Variants in NFIC observed in about 807,000 individuals in gnomAD.
NFIC encodes the protein nuclear factor 1 C-type.
Under a neutral mutation model 54.4 loss-of-function variants are expected in NFIC, and 12 were observed. The ratio of observed to expected loss-of-function variants is 0.22; its 90% CI spans 0.14 to 0.36. NFIC has a LOEUF of 0.36. Ranked by LOEUF, NFIC falls within the 10% of genes least tolerant of loss-of-function variation. NFIC has a pLI of 1.00. For synonymous variants in NFIC, 322 were observed against 319.2 expected (o/e 1.01, Z -0.09); for missense variants, 575 against 718.2 (o/e 0.80, Z 2.28).
intron 2 of NFIC, among the ~76,000 whole-genome samples, chr19:3,417,413 G>A (rs931228516): frequency 3.9e-5 from 6 of 152,108 alleles, no homozygotes; most frequent in Non-Finnish European, 7.4e-5. Flanking sequence ...AATCAGATGG[G>A]GTCAGGAAGT....
chr19:3,397,999 CA>C (rs769818219), intron 2 of NFIC, among the ~76,000 whole-genome samples: 12 of 152,046 alleles, frequency 7.9e-5, no homozygotes, highest in East Asian at 5.8e-4. Context: ...CCATCTAGAT[CA>C]GGGGGCTCCT....
intron 2 of NFIC, among the ~76,000 whole-genome samples, chr19:3,401,418 A>G (rs1376713159): frequency 6.6e-6 from 1 of 152,170 alleles, no homozygotes; most frequent in Non-Finnish European, 1.5e-5. Flanking sequence ...AGGGGGCAGA[A>G]TCCAGGTCAA....
At chr19:3,435,724 G>A (rs1385879834) in intron 6 of NFIC, among the ~76,000 whole-genome samples, 4 of 151,980 alleles carry the variant, frequency 2.6e-5, no homozygotes. Context: ...TCTCCTTTCT[G>A]TAGGGTCTCC....
intron 6 of NFIC, among the ~76,000 whole-genome samples, chr19:3,442,503 C>A (rs1026162902): frequency 1.3e-5 from 2 of 151,974 alleles, no homozygotes; most frequent in African/African-American, 4.8e-5. Flanking sequence ...GCTTCAGCCT[C>A]GCAAATAGCT....
In NFIC at chr19:3,453,984, C is replaced by G. The variant is rs2082511643; in HGVS notation, c.1423+68C>G. The G allele has an allele frequency of 2.1e-6, 3 of 1,429,698 alleles. No individual in the cohort carries two copies. The highest frequency in any genetic ancestry group is 6.1e-5 in the Admixed American group (2 of 32,846). The allele number at this position is 1,429,698 out of a possible 1,614,324, so 88.6% of individuals were successfully genotyped here. On this transcript the variant is annotated intron_variant, in intron 9 of 10. Coordinates refer to ENST00000443272, the MANE Select transcript of NFIC (RefSeq NM_001245002.2). This position sits in a 1 kb window ranked among gnomAD's most constrained non-coding sequence, Gnocchi z 6.7. Reference sequence around the variant, plus strand: ...CAGGGGGGCCTGTCCCCTCCCCAGCCCCACTGCCAGGTCAGAGGTCAGGCC... The same window carrying G: ...CAGGGGGGCCTGTCCCCTCCCCAGCGCCACTGCCAGGTCAGAGGTCAGGCC...
intron 3 of NFIC, among the ~76,000 whole-genome samples, chr19:3,425,733 T>G (rs894524412): frequency 4.6e-5 from 7 of 151,670 alleles, no homozygotes; most frequent in Non-Finnish European, 1.0e-4. Flanking sequence ...GTGCTGGGAT[T>G]ACAGGCATGA....
intron 2 of NFIC, among the ~76,000 whole-genome samples, chr19:3,385,570 G>GTT (rs1393908554): frequency 7.4e-6 from 1 of 135,606 alleles, no homozygotes; most frequent in East Asian, 2.2e-4. Flanking sequence ...TTTGGTTGTT[G>GTT]TTGTTTTTTT....
Position 3,453,688 on chromosome 19 carries a change from G to T in NFIC, c.1270-75G>T, listed in dbSNP as rs1481589385. The T allele has an allele frequency of 2.6e-6, 4 of 1,509,760 alleles. No individual in the cohort carries two copies. The highest frequency in any genetic ancestry group is 3.5e-6 in the Non-Finnish European group (4 of 1,134,596). The allele number at this position is 1,509,760 out of a possible 1,614,324, so 93.5% of individuals were successfully genotyped here. On this transcript the variant is annotated intron_variant, in intron 8 of 10. Coordinates refer to ENST00000443272, the MANE Select transcript of NFIC (RefSeq NM_001245002.2). The surrounding 1 kb of genome is among the most constrained non-coding windows in gnomAD (Gnocchi z 6.7). ...CCCCGTCCGGGCCGTGCACAGAGCCGGGGGCGGCCGGCGCCAGCAGCCCGA... is the reference window on the plus strand; with the variant it reads ...CCCCGTCCGGGCCGTGCACAGAGCCTGGGGCGGCCGGCGCCAGCAGCCCGA...
chr19:3,434,382 C>G lies in NFIC; in HGVS notation c.815C>G (p.Pro272Arg), dbSNP rs368371894. ...AGCACTGGCCTCAGAAGAACGCTGC[C>G]CAGCACCTCCTCCAGTGGGTAAGTA... ...PASTGLRRTL[P>R]STSSSGSKRH... The change falls in exon 5 of 11, where the codon CCC (proline) becomes CGC (arginine). Residue 272 changes from proline (P) to arginine (R), a missense_variant. Transcript: ENST00000443272. The G allele has an allele frequency of 6.2e-7, 1 of 1,609,236 alleles. No homozygotes were observed. Among genetic ancestry groups the G allele is most frequent in the African/African-American group, 1.3e-5 (1 of 74,764 alleles).
intron 3 of NFIC, among the ~76,000 whole-genome samples, chr19:3,425,756 G>A (rs1014283583): frequency 2.7e-5 from 4 of 150,396 alleles, no homozygotes; most frequent in East Asian, 2.0e-4. Context: ...CACCGTGCCC[G>A]GCCTGTTTGT....
intron 2 of NFIC, among the ~76,000 whole-genome samples, chr19:3,413,465 G>A (rs1401873854): frequency 6.6e-6 from 1 of 152,120 alleles, no homozygotes; most frequent in Non-Finnish European, 1.5e-5. Flanking sequence ...CTGGTGTTCT[G>A]TGAGTTTGAA....
At chr19:3,388,667 A>C (rs1568413996) in intron 2 of NFIC, among the ~76,000 whole-genome samples, 1 of 150,898 alleles carries the variant, frequency 6.6e-6, no homozygotes, top group East Asian at 2.0e-4. Flanking sequence ...CCCCCAACAA[A>C]ATTTTTAAAA....
intron 2 of NFIC, among the ~76,000 whole-genome samples, chr19:3,385,000 C>G (rs980476866): frequency 1.6e-4 from 25 of 151,632 alleles, no homozygotes; most frequent in African/African-American, 5.8e-4. Flanking sequence ...TCAGCACAAC[C>G]TCTGGGCGCC....
In NFIC at chr19:3,467,223, C is replaced by CA. The variant is rs1555685802; in HGVS notation, c.*4455dup. On this transcript the variant is annotated 3_prime_UTR_variant, in exon 11 of 11. Transcript: ENST00000443272. ...CACACCTATGCCAGGCCCCCCCCCC[C>CA]ACCCCAGTCTCATTCTGGGGTCTGC... The CA allele has an allele frequency of 8.1e-6, 1 of 123,884 alleles. No homozygotes were observed. Among genetic ancestry groups the CA allele is most frequent in the Non-Finnish European group, 1.7e-5 (1 of 59,634 alleles). 7.7% of individuals were successfully genotyped at this position (123,884 alleles called of 1,614,324 possible).
At chr19:3,392,210 T>C (rs970588066) in intron 2 of NFIC, among the ~76,000 whole-genome samples, 8 of 151,820 alleles carry the variant, frequency 5.3e-5, no homozygotes, top group Admixed American at 3.9e-4. Flanking sequence ...TAGCTGGGAT[T>C]ACAAGCTCAT....
chr19:3,414,003 G>C (rs1791925166), intron 2 of NFIC, among the ~76,000 whole-genome samples: 1 of 152,064 alleles, frequency 6.6e-6, no homozygotes, highest in Non-Finnish European at 1.5e-5. Flanking sequence ...CGAGAGGAGG[G>C]ATTCTTGTCT....
rs746484921 is a variant in NFIC at position 3,467,307 on chromosome 19, G to T, written c.*4538G>T. ...AATATATGCAAATTGTCCCCATTCCGTGGGGGCACCTGACAATGACCCGGG... is the reference window on the plus strand; with the variant it reads ...AATATATGCAAATTGTCCCCATTCCTTGGGGGCACCTGACAATGACCCGGG... On this transcript the variant is annotated 3_prime_UTR_variant, in exon 11 of 11. Transcript: ENST00000443272. The T allele has an allele frequency of 1.4e-5, 2 of 146,108 alleles. No homozygotes were observed. Among genetic ancestry groups the T allele is most frequent in the Admixed American group, 1.5e-4 (2 of 13,786 alleles). 9.1% of individuals were successfully genotyped at this position (146,108 alleles called of 1,614,324 possible). A position where few individuals can be genotyped will look rare whatever the true frequency, so the allele number is the denominator to read the frequency against.
intron 10 of NFIC, among the ~76,000 whole-genome samples, chr19:3,457,049 C>G (rs530695819): frequency 6.6e-6 from 1 of 152,280 alleles, no homozygotes; most frequent in Non-Finnish European, 1.5e-5. Context: ...ACGCCGAGGC[C>G]TAGAGGGACC....
rs980116106 is a variant in NFIC, at chr19:3,458,446, C to T, written c.1509+1811C>T. ...CTTGGACCAAACTCTCTGACCAGGC[C>T]CTCCCGCCAGGGCCCGGGACCCTTC... On this transcript the variant is annotated intron_variant, in intron 10 of 10. Coordinates refer to ENST00000443272, the MANE Select transcript of NFIC (RefSeq NM_001245002.2). This position sits in a 1 kb window ranked among gnomAD's most constrained non-coding sequence, Gnocchi z 4.1. Among the ~76,000 whole-genome samples the T allele has an allele frequency of 2.0e-5, 3 of 152,160 alleles. No homozygotes were observed. The highest frequency in any genetic ancestry group is 7.2e-5 in the African/African-American group (3 of 41,430).
Sources: gnomAD v4.1 joint callset for allele counts (sites outside exome capture counted in the v4.1 genomes callset) on GRCh38, gnomAD v4.1.1 for gene constraint, Gnocchi (gnomAD v3.1) non-coding constraint, MANE v1.5 for transcripts, NCBI Gene and HGNC (gene_info 2026-07-23, HGNC 2026-07-21) for gene names.